The following TMCC3 variants were observed in gnomAD, a reference collection of about 807,000 sequenced individuals.
The protein encoded by TMCC3 is transmembrane and coiled-coil domain family 3, also known as transmembrane and coiled-coil domain protein 3.
In TMCC3, 28 loss-of-function variants were observed where a neutral mutation model predicts 40.2. The observed-to-expected ratio is 0.70, with a 90% CI of 0.52 to 0.95. The LOEUF is 0.95. Among genes scored for constraint, TMCC3 ranks in the 40% least tolerant of loss-of-function variants. The pLI is 0.00. For synonymous variants in TMCC3, 255 were observed against 248.5 expected (o/e 1.03, Z -0.25); for missense variants, 554 against 615.2 (o/e 0.90, Z 1.05).
At chr12:94,594,499 ACTTAAGGT>A (rs1316124464) in intron 1 of TMCC3, among the ~76,000 whole-genome samples, 1 of 152,132 alleles carries the variant, frequency 6.6e-6, no homozygotes, top group Non-Finnish European at 1.5e-5. Flanking sequence ...TAGGCACTAA[ACTTAAGGT>A]CTTTTGGGGG....
chr12:94,576,379 A>G (rs761623086), intron 3 of TMCC3, among the ~76,000 whole-genome samples: 11 of 152,216 alleles, frequency 7.2e-5, no homozygotes, highest in Non-Finnish European at 1.0e-4. Flanking sequence ...TCTCCCTTGT[A>G]AAGTGGGGCT....
intron 1 of TMCC3, among the ~76,000 whole-genome samples, chr12:94,589,593 T>A (rs912661862): frequency 1.3e-5 from 2 of 152,238 alleles, no homozygotes; most frequent in Non-Finnish European, 2.9e-5. Flanking sequence ...ATTACTATTT[T>A]ATAAACTAGT....
At chr12:94,610,098 A>G (rs1159215925) in intron 1 of TMCC3, 2 of 152,178 alleles carry the variant, frequency 1.3e-5, no homozygotes, top group Non-Finnish European at 1.5e-5. Flanking sequence ...AGGGTTTGCA[A>G]ACACCACCTC....
intron 1 of TMCC3, among the ~76,000 whole-genome samples, chr12:94,585,343 T>A (rs1017185426): frequency 2.0e-5 from 3 of 152,184 alleles, no homozygotes; most frequent in Non-Finnish European, 1.5e-5. Flanking sequence ...ATATGCATGA[T>A]ATTCACAATG....
At chr12:94,621,587 GT>G (rs1433379908) in intron 1 of TMCC3, among the ~76,000 whole-genome samples, 1 of 152,172 alleles carries the variant, frequency 6.6e-6, no homozygotes, top group African/African-American at 2.4e-5. Context: ...AGGTTCTGCA[GT>G]ACCCCAGGTT....
intron 1 of TMCC3, among the ~76,000 whole-genome samples, chr12:94,606,708 A>AC (rs1166279765): frequency 6.6e-6 from 1 of 152,014 alleles, no homozygotes; most frequent in Non-Finnish European, 1.5e-5. Flanking sequence ...GACCGTGATG[A>AC]CCCCGAGCTG....
chr12:94,614,080 G>A (rs1381185556), intron 1 of TMCC3, among the ~76,000 whole-genome samples: 1 of 135,228 alleles, frequency 7.4e-6, no homozygotes, highest in East Asian at 2.4e-4. Context: ...GGGCGACAGA[G>A]TGAGACTCCA....
rs969161846 is a variant in TMCC3, at chr12:94,570,140, T to G, written c.*1295A>C. ...GGCAACCTTGGCTCAAACACTGGAC[T>G]TAATTTATTTTATTCTTGCTAGTCT... is the stretch of plus-strand genomic sequence containing the variant. On this transcript the variant is annotated 3_prime_UTR_variant, in exon 4 of 4. Coordinates refer to ENST00000261226, the MANE Select transcript of TMCC3 (RefSeq NM_020698.4). 7 of 152,216 alleles carry G rather than the reference T, an allele frequency of 4.6e-5. No homozygotes were observed. Among genetic ancestry groups the G allele is most frequent in the African/African-American group, 1.7e-4 (7 of 41,448 alleles). The allele number at this position is 152,216 out of a possible 1,614,324, so 9.4% of individuals were successfully genotyped here.
chr12:94,572,306 CT>C (rs527894810), intron 3 of TMCC3, among the ~76,000 whole-genome samples: 16 of 50,662 alleles, frequency 3.2e-4, no homozygotes, highest in East Asian at 1.5e-3. Flanking sequence ...CCGACTTCAT[CT>C]TTTTTTTTTT....
intron 1 of TMCC3, among the ~76,000 whole-genome samples, chr12:94,642,075 C>T (rs544062759): frequency 1.3e-5 from 2 of 152,114 alleles, no homozygotes; most frequent in South Asian, 4.1e-4. Flanking sequence ...CTTTTTTAAC[C>T]TAGAAAAGTC....
intron 3 of TMCC3, among the ~76,000 whole-genome samples, chr12:94,572,425 C>T (rs1356642877): frequency 6.7e-6 from 1 of 148,928 alleles, no homozygotes; most frequent in African/African-American, 2.5e-5. Flanking sequence ...ATTCTCCTGC[C>T]TCAGCCTCCT....
At chr12:94,619,751 A>C (rs116288297) in intron 1 of TMCC3, among the ~76,000 whole-genome samples, 1 of 152,270 alleles carries the variant, frequency 6.6e-6, no homozygotes, top group Non-Finnish European at 1.5e-5. Context: ...AAGCAAAAGA[A>C]ACATGAAAAA....
chr12:94,634,691 A>C (rs907550052), intron 1 of TMCC3, among the ~76,000 whole-genome samples: 10 of 152,216 alleles, frequency 6.6e-5, no homozygotes, highest in Non-Finnish European at 1.3e-4. Flanking sequence ...TGCATAAGTA[A>C]GTGTCCCTAC....
intron 1 of TMCC3, among the ~76,000 whole-genome samples, chr12:94,630,778 G>C (rs1242981616): frequency 2.0e-5 from 3 of 152,192 alleles, no homozygotes; most frequent in Non-Finnish European, 4.4e-5. Context: ...GCCCAGGCTG[G>C]AGTGCAGTGG....
At chr12:94,571,980 G>A (rs1014860439) in intron 3 of TMCC3, among the ~76,000 whole-genome samples, 1 of 152,142 alleles carries the variant, frequency 6.6e-6, no homozygotes, top group East Asian at 1.9e-4. Flanking sequence ...CATAAATGAG[G>A]AAGTATGGCT....
At chr12:94,597,128 T>A (rs995539649) in intron 1 of TMCC3, among the ~76,000 whole-genome samples, 775 of 10,916 alleles carry the variant, frequency 0.071, 18 homozygotes, top group Middle Eastern at 0.17. Flanking sequence ...AAAATACATA[T>A]ATATATATAT....
At chr12:94,592,539 G>GAA in intron 1 of TMCC3, among the ~76,000 whole-genome samples, 1 of 149,908 alleles carries the variant, frequency 6.7e-6, no homozygotes, top group African/African-American at 2.5e-5. Context: ...AGCTACTCAG[G>GAA]AGGCTGAGGC....
In TMCC3 at chr12:94,582,230, C is replaced by T. The variant is rs113778882; in HGVS notation, c.387G>A (p.Leu129=). ...NQKSAHSIAQ[L]QKKLEQYHRK... is the part of the protein sequence containing the mutation. Reference sequence around the variant, plus strand: ...GATGATACTGCTCTAACTTCTTCTGCAGCTGGGCGATGGAGTGAGCTGATT... The same window carrying T: ...GATGATACTGCTCTAACTTCTTCTGTAGCTGGGCGATGGAGTGAGCTGATT... The change falls in exon 2 of 4, where the codon CTG becomes CTA. Residue 129 remains leucine, a synonymous_variant. Coordinates refer to ENST00000261226, the MANE Select transcript of TMCC3 (RefSeq NM_020698.4). The T allele has an allele frequency of 1.2e-6, 2 of 1,614,180 alleles. No homozygotes were observed. The highest frequency in any genetic ancestry group is 1.6e-4 in the Middle Eastern group (1 of 6,062).
rs553063128 is a variant in TMCC3 at position 94,569,926 on chromosome 12, A to C, written c.*1509T>G. The C allele has an allele frequency of 6.6e-6, 1 of 152,206 alleles. No individual in the cohort carries two copies. The highest frequency in any genetic ancestry group is 1.5e-5 in the Non-Finnish European group (1 of 68,042). 9.4% of individuals were successfully genotyped at this position (152,206 alleles called of 1,614,324 possible). On this transcript the variant is annotated 3_prime_UTR_variant, in exon 4 of 4. Coordinates refer to ENST00000261226, the MANE Select transcript of TMCC3 (RefSeq NM_020698.4). ...GGGCTCAACAGCAGTTTCCATGAACATTGTTTCCATCTTCCTCTTTGTTAT... is the reference window on the plus strand; with the variant it reads ...GGGCTCAACAGCAGTTTCCATGAACCTTGTTTCCATCTTCCTCTTTGTTAT...
Sources: gnomAD v4.1 joint callset for allele counts (sites outside exome capture counted in the v4.1 genomes callset) on GRCh38, gnomAD v4.1.1 for gene constraint, MANE v1.5 for transcripts, NCBI Gene and HGNC (gene_info 2026-07-23, HGNC 2026-07-21) for gene names.